LILRB4: variants seen among roughly 807,000 people sequenced by gnomAD.
LILRB4 encodes leukocyte immunoglobulin like receptor B4, also known as leukocyte immunoglobulin-like receptor subfamily B member 4.
Under a neutral mutation model 55.2 loss-of-function variants are expected in LILRB4, and 49 were observed. That is an observed-to-expected ratio of 0.89 (90% CI 0.71 to 1.13). The LOEUF is 1.13. LILRB4 is among the 50% of genes most tolerant of loss of function. LILRB4 has a pLI of 0.00. For synonymous variants in LILRB4, 229 were observed against 213.8 expected, an observed-to-expected ratio of 1.07 and a Z score of -0.62; for missense variants, 590 against 555.2, an observed-to-expected ratio of 1.06 and a Z score of -0.63.
exon 2 of LILRB4, chr19:54,663,567 G>T (rs1206034647): frequency 6.2e-7 from 1 of 1,613,308 alleles, no homozygotes; most frequent in Non-Finnish European, 8.5e-7. Context: ...CATGCAGGCA[G>T]GTGAGTCTGT....
chr19:54,665,774 T>C lies in LILRB4; in HGVS notation c.758-41T>C. 1.3e-6 allele frequency: 2 copies of C among 1,564,880 alleles called. No individual in the cohort carries two copies. Among genetic ancestry groups the C allele is most frequent in the South Asian group, 1.2e-5 (1 of 85,340 alleles). ...GGTGCACACACAGTAGGTGTGCACA[T>C]CAATGACATCATCCCCATTCCTGAT... is the stretch of plus-strand genomic sequence containing the variant. On this transcript the variant is annotated intron_variant, in intron 6 of 11. Coordinates refer to ENST00000430952, the Ensembl canonical transcript of LILRB4. The surrounding 1 kb of genome is among the most constrained non-coding windows in gnomAD (Gnocchi z 5.5).
chr19:54,663,551 G>T (rs11540761), exon 2 of LILRB4: 309,649 of 1,612,964 alleles, frequency 0.19, 30,720 homozygotes, highest in South Asian at 0.29. Context: ...TGGGCCCCAG[G>T]ACCCACATGC....
At chr19:54,663,680 G>T in intron 2 of LILRB4, 74 bp from the exon 3 acceptor site, 1 of 1,608,242 alleles carries the variant, frequency 6.2e-7, no homozygotes, top group Non-Finnish European at 8.5e-7. Flanking sequence ...GGATGACGGG[G>T]GGGTCCTGGG....
chr19:54,666,928 T>C lies in LILRB4; in HGVS notation c.1041+179T>C. 1.3e-6 allele frequency: 1 copy of C among 768,148 alleles called. No individual in the cohort carries two copies. The highest frequency in any genetic ancestry group is 2.4e-6 in the Non-Finnish European group (1 of 420,750). 47.6% of individuals were successfully genotyped at this position (768,148 alleles called of 1,614,324 possible). ...TCTCTCCTGCTGTCCTGGGACCTCATGGGCCTCCTCCCGGGTCCCCTTCCT... is the reference window on the plus strand; with the variant it reads ...TCTCTCCTGCTGTCCTGGGACCTCACGGGCCTCCTCCCGGGTCCCCTTCCT... On this transcript the variant is annotated intron_variant, in intron 10 of 11. Transcript: ENST00000430952. This position sits in a 1 kb window ranked among gnomAD's most constrained non-coding sequence, Gnocchi z 4.8.
At position 54,666,252 on chromosome 19, in the gene LILRB4, C is replaced by A; in HGVS notation, c.887C>A (p.Ala296Asp). ...CATCTTCCCCCAGCCCAGAGACAGG[C>A]TGATTTCCAACGTCCTCCAGGGGCT... The change falls in exon 8 of 12, where the codon GCT (alanine) becomes GAT (aspartate). Residue 296 changes from alanine to aspartate, a missense_variant. Physicochemically the swap from Ala to Asp is moderately radical, Grantham distance 126. Coordinates refer to ENST00000430952, the Ensembl canonical transcript of LILRB4. The surrounding 1 kb of genome is among the most constrained non-coding windows in gnomAD (Gnocchi z 4.8). 1 of 1,604,082 alleles carries A rather than the reference C, an allele frequency of 6.2e-7. No homozygotes were observed. Among genetic ancestry groups the A allele is most frequent in the Non-Finnish European group, 8.5e-7 (1 of 1,174,882 alleles).
Position 54,665,789 on chromosome 19 carries a change from C to G in LILRB4, c.758-26C>G, listed in dbSNP as rs553256404. Reference sequence around the variant, plus strand: ...GGTGTGCACATCAATGACATCATCCCCATTCCTGATGTCATCACGCCCAAG... The same window carrying G: ...GGTGTGCACATCAATGACATCATCCGCATTCCTGATGTCATCACGCCCAAG... On this transcript the variant is annotated intron_variant, in intron 6 of 11. Transcript: ENST00000430952. The surrounding 1 kb of genome is among the most constrained non-coding windows in gnomAD (Gnocchi z 5.5). 4.4e-6 allele frequency: 7 copies of G among 1,577,356 alleles called. No individual in the cohort carries two copies. Among genetic ancestry groups the G allele is most frequent in the African/African-American group, 1.4e-5 (1 of 73,910 alleles).
At position 54,665,209 on chromosome 19, in the gene LILRB4, G is replaced by A. The variant is rs371244889; in HGVS notation, c.757+29G>A. 611 of 1,576,836 alleles carry A rather than the reference G, an allele frequency of 3.9e-4. 2 individuals are homozygous for A. The highest frequency in any genetic ancestry group is 8.6e-4 in the Middle Eastern group (5 of 5,828). On this transcript the variant is annotated intron_variant, in intron 6 of 11. Transcript: ENST00000430952. The surrounding 1 kb of genome is among the most constrained non-coding windows in gnomAD (Gnocchi z 5.5). ...AGTGAGGGGCTCTGAGTGGGAGGTG[G>A]GCAGGGTCTAGGGGAGCCAAGGGTG... is the stretch of plus-strand genomic sequence containing the variant.
rs775077864 is a variant in LILRB4, at chr19:54,668,056, T to C, written c.*37T>C. 3.1e-6 allele frequency: 5 copies of C among 1,611,986 alleles called. No individual in the cohort carries two copies. In the Admixed American group the frequency reaches 8.3e-5, roughly 27 times the overall value. ...CCCAGACCCCACAAGCCATGGAGACTCAGGACCCCAGAAGGCATGGAAGCT... is the reference window on the plus strand; with the variant it reads ...CCCAGACCCCACAAGCCATGGAGACCCAGGACCCCAGAAGGCATGGAAGCT... On this transcript the variant is annotated 3_prime_UTR_variant, in exon 12 of 12. Transcript: ENST00000430952.
chr19:54,667,320 G>A, intron 10 of LILRB4: 1 of 594,514 alleles, frequency 1.7e-6, no homozygotes, highest in Non-Finnish European at 3.1e-6. Context: ...TGAGAAGCCT[G>A]GACGGAGAGG....
In LILRB4 at chr19:54,665,870, T is replaced by C. The variant is rs1219149508; in HGVS notation, c.813T>C (p.Leu271=). The C allele has an allele frequency of 6.2e-7, 1 of 1,613,122 alleles. No individual in the cohort carries two copies. Among genetic ancestry groups the C allele is most frequent in the Non-Finnish European group, 8.5e-7 (1 of 1,179,736 alleles). ...GGGTCTTGGTGGTCTCCATCCTGCT[T>C]CTCTCCCTCCTCCTCTTCCTCCTCC... The change falls in exon 7 of 12, where the codon CTT becomes CTC. Residue 271 remains leucine (L), a synonymous_variant. Coordinates refer to ENST00000430952, the Ensembl canonical transcript of LILRB4. The surrounding 1 kb of genome is among the most constrained non-coding windows in gnomAD (Gnocchi z 5.5).
At chr19:54,663,861 C>A (rs757332984) in exon 3 of LILRB4, 1 of 1,614,138 alleles carries the variant, frequency 6.2e-7, no homozygotes, top group Non-Finnish European at 8.5e-7. Context: ...GGAGTACCGT[C>A]TGGATAAAGA....
chr19:54,667,653 G>A (rs764509706), exon 11 of LILRB4: 49 of 1,610,884 alleles, frequency 3.0e-5, no homozygotes, highest in South Asian at 1.1e-5. Flanking sequence ...ACACGATGAA[G>A]ACCCCCAGGC....
chr19:54,664,018 C>T (rs764049873), exon 3 of LILRB4: 3 of 1,613,930 alleles, frequency 1.9e-6, no homozygotes, highest in Non-Finnish European at 1.7e-6. Context: ...CCCAGTGACC[C>T]CCTGGAGCTG....
Position 54,666,607 on chromosome 19 carries a change from G to A in LILRB4, c.989-90G>A, listed in dbSNP as rs2065276759. The A allele has an allele frequency of 1.1e-5, 16 of 1,469,382 alleles. No homozygotes were observed. The highest frequency in any genetic ancestry group is 5.2e-5 in the Admixed American group (3 of 57,666). 91.0% of individuals were successfully genotyped at this position (1,469,382 alleles called of 1,614,324 possible). Reference sequence around the variant, plus strand: ...TCACAGCCCCTCCCTGCGTTGCAGTGGCACTAATGGGAACAGGGCAGGGAC... The same window carrying A: ...TCACAGCCCCTCCCTGCGTTGCAGTAGCACTAATGGGAACAGGGCAGGGAC... On this transcript the variant is annotated intron_variant, in intron 9 of 11. Transcript: ENST00000430952. The surrounding 1 kb of genome is among the most constrained non-coding windows in gnomAD (Gnocchi z 4.8).
In LILRB4 at chr19:54,666,990, G is replaced by C. The variant is rs2065303058; in HGVS notation, c.1041+241G>C. 1 of 703,146 alleles carries C rather than the reference G, an allele frequency of 1.4e-6. No individual in the cohort carries two copies. Among genetic ancestry groups the C allele is most frequent in the African/African-American group, 1.8e-5 (1 of 56,944 alleles). 43.6% of individuals were successfully genotyped at this position (703,146 alleles called of 1,614,324 possible). On this transcript the variant is annotated intron_variant, in intron 10 of 11. Coordinates refer to ENST00000430952, the Ensembl canonical transcript of LILRB4. This position sits in a 1 kb window ranked among gnomAD's most constrained non-coding sequence, Gnocchi z 4.8. ...TCTGTTTGGCCATCTGGTTGTTAGA[G>C]AGCTCCCCAGGCCTCAGGAGGATGA...
chr19:54,667,903 A>G, exon 12 of LILRB4: 1 of 1,603,870 alleles, frequency 6.2e-7, no homozygotes, highest in Non-Finnish European at 8.5e-7. Flanking sequence ...CCAGGATGTG[A>G]CCTACGCCCG....
chr19:54,664,091 T>C, intron 3 of LILRB4, 53 bp downstream of exon 3: 1 of 1,602,024 alleles, frequency 6.2e-7, no homozygotes, highest in Non-Finnish European at 8.5e-7. Context: ...AGGAAGGGGG[T>C]CAGCTCTCAG....
chr19:54,668,214 G>A (rs761432597), exon 12 of LILRB4: 3 of 601,538 alleles, frequency 5.0e-6, no homozygotes, highest in Non-Finnish European at 8.6e-6. Flanking sequence ...AAATAAAGTA[G>A]CAGACCTCTC....
upstream of LILRB4, chr19:54,662,988 G>A: frequency 6.2e-7 from 1 of 1,614,036 alleles, no homozygotes; most frequent in Non-Finnish European, 8.5e-7. Flanking sequence ...TGCCGGCACT[G>A]AGGACTCATC....
Sources: gnomAD v4.1 joint callset for allele counts on GRCh38, gnomAD v4.1.1 for gene constraint, Gnocchi (gnomAD v3.1) non-coding constraint, MANE v1.5 for transcripts, NCBI Gene and HGNC (gene_info 2026-07-23, HGNC 2026-07-21) for gene names.